Variants in XKR4 observed in about 807,000 individuals in gnomAD.
XKR4 encodes the protein XK-related protein 4.
Under a neutral mutation model 53.9 loss-of-function variants are expected in XKR4, and 12 were observed. The ratio of observed to expected loss-of-function variants is 0.22; its 90% CI spans 0.14 to 0.36. The LOEUF is 0.36. Ranked by LOEUF, XKR4 falls within the 10% of genes least tolerant of loss-of-function variation. The probability of loss-of-function intolerance (pLI) is 1.00; values close to 1 mark genes in which losing one functional copy is unlikely to be tolerated. For synonymous variants in XKR4, 354 were observed against 362.4 expected, an observed-to-expected ratio of 0.98 and a Z score of 0.26; for missense variants, 799 against 859.5, an observed-to-expected ratio of 0.93 and a Z score of 0.88.
intron 2 of XKR4, among the ~76,000 whole-genome samples, chr8:55,369,011 T>G (rs1714767161): frequency 6.6e-6 from 1 of 152,100 alleles, no homozygotes; most frequent in South Asian, 2.1e-4. Context: ...AAAGATAAAA[T>G]AGAAAACCCA....
rs1231151664 is a variant in XKR4, at chr8:55,496,150, T to C, written c.1007-27131T>C. Among the ~76,000 whole-genome samples the C allele has an allele frequency of 2.6e-5, 4 of 152,290 alleles. No homozygotes were observed. In the East Asian group the frequency reaches 7.7e-4, roughly 29 times the overall value. The stretch of plus-strand genomic sequence containing the variant: ...TTTGATATATGTTAAGTAATAGTAA[T>C]GAGGGCAATAAGTACTCGCATACTG... On this transcript the variant is annotated intron_variant, in intron 2 of 2. Coordinates refer to ENST00000327381, the MANE Select transcript of XKR4 (RefSeq NM_052898.2).
chr8:55,122,693 C>T (rs1254174516), intron 1 of XKR4, among the ~76,000 whole-genome samples: 1 of 152,166 alleles, frequency 6.6e-6, no homozygotes, highest in East Asian at 1.9e-4. Context: ...GATGAATGCT[C>T]TGAAATTCCA....
chr8:55,510,268 A>G (rs924880771), intron 2 of XKR4, among the ~76,000 whole-genome samples: 3 of 152,134 alleles, frequency 2.0e-5, no homozygotes, highest in African/African-American at 7.2e-5. Context: ...TCAGGTGGAG[A>G]AAGGAGACCC....
At chr8:55,474,261 G>A (rs1048211688) in intron 2 of XKR4, among the ~76,000 whole-genome samples, 1 of 151,990 alleles carries the variant, frequency 6.6e-6, no homozygotes, top group African/African-American at 2.4e-5. Context: ...GATCACTGAT[G>A]GACAGTTACC....
intron 1 of XKR4, among the ~76,000 whole-genome samples, chr8:55,220,915 A>T (rs910365827): frequency 1.3e-5 from 2 of 152,240 alleles, no homozygotes; most frequent in Non-Finnish European, 2.9e-5. Context: ...TGACTTGCAT[A>T]TAGCAGGCTC....
intron 1 of XKR4, among the ~76,000 whole-genome samples, chr8:55,111,689 T>C (rs1816234097): frequency 6.6e-6 from 1 of 152,196 alleles, no homozygotes; most frequent in South Asian, 2.1e-4. Flanking sequence ...ATATACCATA[T>C]AGACTGGAGA....
In XKR4 at chr8:55,200,124, G is replaced by A. The variant is rs182709688; in HGVS notation, c.806+96830G>A. Among the ~76,000 whole-genome samples the A allele has an allele frequency of 4.7e-3, 712 of 152,240 alleles. 6 individuals are homozygous for A. Among genetic ancestry groups the A allele is most frequent in the Non-Finnish European group, 6.6e-3 (452 of 68,014 alleles). On this transcript the variant is annotated intron_variant, in intron 1 of 2. Transcript: ENST00000327381. ...CTGTCACCTAGGCTGGAGTGTAGTGGCACAATCTCGGCTCACAGCTGCAAC... is the reference window on the plus strand; with the variant it reads ...CTGTCACCTAGGCTGGAGTGTAGTGACACAATCTCGGCTCACAGCTGCAAC...
intron 2 of XKR4, among the ~76,000 whole-genome samples, chr8:55,445,201 G>A (rs1563351632): frequency 6.6e-6 from 1 of 152,072 alleles, no homozygotes; most frequent in African/African-American, 2.4e-5. Flanking sequence ...GGGACTACAG[G>A]TGCCCACCAC....
chr8:55,159,874 A>G (rs1816961208), intron 1 of XKR4, among the ~76,000 whole-genome samples: 2 of 152,228 alleles, frequency 1.3e-5, no homozygotes, highest in African/African-American at 2.4e-5. Context: ...AGCATCGCAT[A>G]TAGACTCAAG....
chr8:55,404,880 G>A (rs866548623), intron 2 of XKR4, among the ~76,000 whole-genome samples: 8 of 152,178 alleles, frequency 5.3e-5, no homozygotes, highest in Admixed American at 1.3e-4. Flanking sequence ...CACTTCGCTC[G>A]CTGGGTTTAT....
At chr8:55,246,776 C>CA (rs1818291360) in intron 1 of XKR4, among the ~76,000 whole-genome samples, 1 of 151,338 alleles carries the variant, frequency 6.6e-6, no homozygotes, top group Non-Finnish European at 1.5e-5. Context: ...ATCAATGACT[C>CA]AGAGTCGTTC....
At chr8:55,511,104 G>A (rs1806619079) in intron 2 of XKR4, among the ~76,000 whole-genome samples, 1 of 152,094 alleles carries the variant, frequency 6.6e-6, no homozygotes, top group African/African-American at 2.4e-5. Context: ...TCTTTTTATT[G>A]ACAGAGTAAA....
intron 1 of XKR4, among the ~76,000 whole-genome samples, chr8:55,225,050 G>T (rs549061839): frequency 1.6e-4 from 24 of 152,246 alleles, no homozygotes; most frequent in African/African-American, 5.8e-4. Flanking sequence ...TAAATACTTA[G>T]AATAAAACAT....
intron 1 of XKR4, among the ~76,000 whole-genome samples, chr8:55,197,208 C>T (rs151154202): frequency 1.3e-5 from 2 of 152,252 alleles, no homozygotes; most frequent in African/African-American, 2.4e-5. Context: ...GCTCAACAAT[C>T]GTCTCAGCCA....
At chr8:55,520,083 G>A (rs922495638) in intron 2 of XKR4, among the ~76,000 whole-genome samples, 2 of 152,186 alleles carry the variant, frequency 1.3e-5, no homozygotes, top group Non-Finnish European at 2.9e-5. Flanking sequence ...CTAAGAATAA[G>A]GCCATGCCTT....
chr8:55,441,957 A>C (rs1805275392), intron 2 of XKR4, among the ~76,000 whole-genome samples: 2 of 152,026 alleles, frequency 1.3e-5, no homozygotes, highest in African/African-American at 4.8e-5. Context: ...TTAAAATAGA[A>C]AATAATAAGC....
chr8:55,316,546 T>C (rs1315711707), intron 1 of XKR4, among the ~76,000 whole-genome samples: 5 of 152,322 alleles, frequency 3.3e-5, no homozygotes, highest in East Asian at 1.9e-4. Flanking sequence ...AAATCACACA[T>C]TGATTTTGGT....
chr8:55,122,639 T>G, intron 1 of XKR4, among the ~76,000 whole-genome samples: 1 of 152,222 alleles, frequency 6.6e-6, no homozygotes, highest in African/African-American at 2.4e-5. Context: ...AGAATCACGT[T>G]TTCGTGTGCT....
intron 2 of XKR4, among the ~76,000 whole-genome samples, chr8:55,388,341 A>C (rs116350139): frequency 0.013 from 2,003 of 152,330 alleles, 48 homozygotes; most frequent in African/African-American, 0.046. Flanking sequence ...CTGGAATAAA[A>C]AAGAGCAACT....
Sources: gnomAD v4.1 joint callset for allele counts (sites outside exome capture counted in the v4.1 genomes callset) on GRCh38, gnomAD v4.1.1 for gene constraint, MANE v1.5 for transcripts, NCBI Gene and HGNC (gene_info 2026-07-23, HGNC 2026-07-21) for gene names.